Variants in RAPH1 observed in about 807,000 individuals in gnomAD.
RAPH1 encodes the protein Ras association (RalGDS/AF-6) and pleckstrin homology domains 1, also known as ras-associated and pleckstrin homology domains-containing protein 1.
Under a neutral mutation model 88.1 loss-of-function variants are expected in RAPH1, and 18 were observed. The observed-to-expected ratio is 0.20, with a 90% CI of 0.14 to 0.30. RAPH1 has a LOEUF of 0.30. Ranked by LOEUF, RAPH1 falls within the 10% of genes least tolerant of loss-of-function variation. RAPH1 has a pLI of 1.00. For missense variants in RAPH1, 1,448 were observed against 1,543.2 expected (o/e 0.94, Z 1.03); for synonymous variants, 587 against 559.0 (o/e 1.05, Z -0.71).
chr2:203,494,361 C>G (rs1688416855), intron 2 of RAPH1, among the ~76,000 whole-genome samples: 1 of 152,036 alleles, frequency 6.6e-6, no homozygotes, highest in Non-Finnish European at 1.5e-5. Context: ...ATAACAGTAC[C>G]CTTTTATTCT....
intron 1 of RAPH1, among the ~76,000 whole-genome samples, chr2:203,504,782 C>T (rs1353971984): frequency 6.6e-6 from 1 of 152,166 alleles, no homozygotes; most frequent in African/African-American, 2.4e-5. Flanking sequence ...ACCCAAGTCA[C>T]CTTTTGAATG....
chr2:203,476,144 T>TA (rs1468814274), intron 4 of RAPH1, among the ~76,000 whole-genome samples: 1 of 152,160 alleles, frequency 6.6e-6, no homozygotes, highest in Admixed American at 6.5e-5. Context: ...TAACAAGTAA[T>TA]AAATACAAAT....
At chr2:203,446,309 T>A (rs1409137347) in intron 12 of RAPH1, 2 of 152,212 alleles carry the variant, frequency 1.3e-5, no homozygotes, top group East Asian at 3.9e-4. Context: ...GGGAGGAAGA[T>A]CATAGAGGAA....
At chr2:203,528,979 CTATATATATA>C (rs71408946) in intron 1 of RAPH1, among the ~76,000 whole-genome samples, 70 of 61,220 alleles carry the variant, frequency 1.1e-3, no homozygotes, top group African/African-American at 2.3e-3. Flanking sequence ...GGTTGTTTTG[CTATATATATA>C]TATATATATA....
At chr2:203,522,811 A>G (rs1689948156) in intron 1 of RAPH1, among the ~76,000 whole-genome samples, 2 of 146,696 alleles carry the variant, frequency 1.4e-5, no homozygotes, top group Non-Finnish European at 3.0e-5. Flanking sequence ...CTGAGGTGGG[A>G]GAATCGCTTG....
rs528366618 is a variant in RAPH1, at chr2:203,524,710, CA to C, written c.-1+10400del. On this transcript the variant is annotated intron_variant, in intron 1 of 13. Coordinates refer to ENST00000319170, the MANE Select transcript of RAPH1 (RefSeq NM_213589.3). ...TCCATAGTGACAGATTGCCGTAAGA[CA>C]GGGGTAGAGGGGGACAAATTACAAA... Among the ~76,000 whole-genome samples the C allele has an allele frequency of 1.6e-3, 245 of 152,116 alleles. 2 individuals carry two copies. The highest frequency in any genetic ancestry group is 3.4e-3 in the Middle Eastern group (1 of 294).
intron 1 of RAPH1, among the ~76,000 whole-genome samples, chr2:203,514,313 T>C (rs1487857559): frequency 6.6e-6 from 1 of 152,254 alleles, no homozygotes; most frequent in East Asian, 1.9e-4. Context: ...AGTTTAGAAA[T>C]TGTCTGAGGT....
intron 4 of RAPH1, among the ~76,000 whole-genome samples, chr2:203,471,646 A>G (rs950606409): frequency 3.9e-5 from 6 of 152,174 alleles, no homozygotes; most frequent in East Asian, 1.9e-4. Flanking sequence ...GGTCATAGAT[A>G]AAATACACTA....
chr2:203,457,865 T>A (rs1379978312), intron 7 of RAPH1, among the ~76,000 whole-genome samples: 2 of 152,190 alleles, frequency 1.3e-5, no homozygotes, highest in African/African-American at 4.8e-5. Context: ...GGTATTACAT[T>A]CAACAGCTGG....
intron 1 of RAPH1, among the ~76,000 whole-genome samples, chr2:203,504,606 T>C (rs1688897041): frequency 6.6e-6 from 1 of 152,080 alleles, no homozygotes; most frequent in South Asian, 2.1e-4. Context: ...TTCCCTGGTC[T>C]TGGGGATTAA....
At chr2:203,504,652 G>A (rs1688898649) in intron 1 of RAPH1, among the ~76,000 whole-genome samples, 1 of 149,822 alleles carries the variant, frequency 6.7e-6, no homozygotes, top group South Asian at 2.1e-4. Context: ...AATTTCTGCA[G>A]CTGGATTGAA....
At chr2:203,458,768 C>G (rs970515022) in intron 7 of RAPH1, among the ~76,000 whole-genome samples, 1 of 147,406 alleles carries the variant, frequency 6.8e-6, no homozygotes, top group African/African-American at 2.7e-5. Flanking sequence ...TTTTCTTTTT[C>G]TCTTTTTTTT....
chr2:203,495,416 C>G, intron 1 of RAPH1, 63 bp from the exon 2 acceptor site: 2 of 1,535,884 alleles, frequency 1.3e-6, no homozygotes, highest in South Asian at 2.3e-5. Context: ...AAAAATTATG[C>G]CATATATGCT....
chr2:203,469,000 A>C (rs1000750576), intron 4 of RAPH1, among the ~76,000 whole-genome samples: 1 of 152,244 alleles, frequency 6.6e-6, no homozygotes, highest in African/African-American at 2.4e-5. Flanking sequence ...AGAAAAGATG[A>C]CAACAGATAT....
chr2:203,452,419 C>A (rs545719309), intron 10 of RAPH1, among the ~76,000 whole-genome samples: 1 of 152,310 alleles, frequency 6.6e-6, no homozygotes, highest in South Asian at 2.1e-4. Flanking sequence ...TTGAAACCAA[C>A]AGAATTCTGT....
At chr2:203,459,226 T>C (rs748130730) in intron 7 of RAPH1, among the ~76,000 whole-genome samples, 59 of 152,314 alleles carry the variant, frequency 3.9e-4, no homozygotes, top group Middle Eastern at 3.4e-3. Flanking sequence ...CAAATATGTA[T>C]TCTTCACTAA....
intron 1 of RAPH1, among the ~76,000 whole-genome samples, 183 bp downstream of exon 1, chr2:203,534,928 C>T (rs941234749): frequency 3.3e-5 from 5 of 152,298 alleles, no homozygotes; most frequent in Admixed American, 3.3e-4. Context: ...AGCGGTCCAG[C>T]CAGCCCCGGC....
At position 203,437,356 on chromosome 2, in the gene RAPH1, TA is replaced by T. The variant is rs754494470; in HGVS notation, c.*2080del. ...TTGATAACTGGATTCATATTCTTACTAACTCTAACCCACAAATATGGGTGCC... is the reference window on the plus strand; with the variant it reads ...TTGATAACTGGATTCATATTCTTACTACTCTAACCCACAAATATGGGTGCC... On this transcript the variant is annotated 3_prime_UTR_variant, in exon 14 of 14. Transcript: ENST00000319170. 2 of 152,122 alleles carry T rather than the reference TA, an allele frequency of 1.3e-5. No homozygotes were observed. The highest frequency in any genetic ancestry group is 2.9e-5 in the Non-Finnish European group (2 of 68,032). 9.4% of individuals were successfully genotyped at this position (152,122 alleles called of 1,614,324 possible). A position where few individuals can be genotyped will look rare whatever the true frequency, so the allele number is the denominator to read the frequency against.
At position 203,462,975 on chromosome 2, in the gene RAPH1, A is replaced by C. The variant is rs1462801489; in HGVS notation, c.733-1050T>G. 3.9e-5 allele frequency among the ~76,000 whole-genome samples: 6 copies of C among 152,102 alleles called. No homozygotes were observed. The South Asian group carries it at 1.0e-3, about 26-fold the overall frequency. ...TGGCACTTTGGAGGCTGGGGAGGGC[A>C]GATCATTTGAGGTCAGGAGTTGGAG... On this transcript the variant is annotated intron_variant, in intron 4 of 13. Transcript: ENST00000319170.
Sources: allele counts gnomAD v4.1 joint callset (sites outside exome capture counted in the v4.1 genomes callset), GRCh38; gene constraint gnomAD v4.1.1; transcripts MANE v1.5; gene names NCBI Gene and HGNC (gene_info 2026-07-23, HGNC 2026-07-21).